The following ITGA7 variants were observed in gnomAD, a reference collection of about 807,000 sequenced individuals.
The protein encoded by ITGA7 is integrin subunit alpha 7, also known as integrin alpha-7.
A neutral mutation model predicts 131.6 loss-of-function variants in ITGA7; 84 were observed. That is an observed-to-expected ratio of 0.64 (90% CI 0.54 to 0.77). The LOEUF (loss-of-function observed/expected upper bound fraction) is 0.77, where lower values mean the gene tolerates loss of function less well. Among genes scored for constraint, ITGA7 ranks in the 30% least tolerant of loss-of-function variants. The pLI is 0.00. For missense variants in ITGA7, 1,399 were observed against 1,482.9 expected (o/e 0.94, Z 0.93); for synonymous variants, 548 against 600.7 (o/e 0.91, Z 1.28).
rs1872733597 is a variant in ITGA7 at position 55,696,907 on chromosome 12, G to A, written c.1729C>T (p.Gln577Ter). ...AAGGGGTCAGTGTCCACCTGGAGCTGGAACATGGCGTCTCCACAGACTCGG... is the reference window on the plus strand; with the variant it reads ...AAGGGGTCAGTGTCCACCTGGAGCTAGAACATGGCGTCTCCACAGACTCGG... ...HDRVCGDAMF[Q>*]LQENVKDKLR... Residue 577 changes from glutamine to a stop codon, truncating the protein, a stop_gained, in exon 12 of 25, where the codon CAG (glutamine) becomes TAG (stop). Transcript: ENST00000257879. LOFTEE classifies it high-confidence loss of function. The A allele has an allele frequency of 6.2e-7, 1 of 1,614,176 alleles. No homozygotes were observed. The highest frequency in any genetic ancestry group is 8.5e-7 in the Non-Finnish European group (1 of 1,180,008).
chr12:55,684,764 G>T lies in ITGA7; in HGVS notation c.*294C>A. 4.8e-6 allele frequency: 2 copies of T among 413,898 alleles called. No homozygotes were observed. Among genetic ancestry groups the T allele is most frequent in the South Asian group, 5.2e-5 (1 of 19,272 alleles). 25.6% of individuals were successfully genotyped at this position (413,898 alleles called of 1,614,324 possible). A position where few individuals can be genotyped will look rare whatever the true frequency, so the allele number is the denominator to read the frequency against. ...TGGGGTCCTGTTACACAGGGTGAAT[G>T]GGAGAGGAAGGGATTAGGATCCCTT... On this transcript the variant is annotated 3_prime_UTR_variant, in exon 25 of 25. Coordinates refer to ENST00000257879, the MANE Select transcript of ITGA7 (RefSeq NM_002206.3).
In ITGA7 at chr12:55,695,185, C is replaced by G. The variant is rs12304445; in HGVS notation, c.2004-215G>C. The stretch of plus-strand genomic sequence containing the variant: ...TCAGCTCCACCATTACTTACCTTGG[C>G]CAAGTAACTTAACCTCTCTAGGCTT... On this transcript the variant is annotated intron_variant, in intron 14 of 24. Transcript: ENST00000257879. 0.55 allele frequency: 330,200 copies of G among 605,508 alleles called. 96,150 individuals are homozygous for G. The highest frequency in any genetic ancestry group is 0.93 in the East Asian group (33,907 of 36,304). 37.5% of individuals were successfully genotyped at this position (605,508 alleles called of 1,614,324 possible). A position where few individuals can be genotyped will look rare whatever the true frequency, so the allele number is the denominator to read the frequency against.
At position 55,698,377 on chromosome 12, in the gene ITGA7, T is replaced by A; in HGVS notation, c.1192+6A>T. The A allele has an allele frequency of 6.2e-7, 1 of 1,608,176 alleles. No homozygotes were observed. ...CTCCCTGAGCCTTTCCAGTTCCCCGTCACACCTGGAAAGCCATCTTGGTTG... is the reference window on the plus strand; with the variant it reads ...CTCCCTGAGCCTTTCCAGTTCCCCGACACACCTGGAAAGCCATCTTGGTTG... On this transcript the variant is annotated splice_donor_region_variant and intron_variant, in intron 7 of 24. Transcript: ENST00000257879.
intron 21 of ITGA7, among the ~76,000 whole-genome samples, chr12:55,692,590 G>A (rs1448005888): frequency 6.6e-6 from 1 of 152,216 alleles, no homozygotes. Flanking sequence ...TTATATAAAC[G>A]TAATGTGAAT....
upstream of ITGA7, among the ~76,000 whole-genome samples, chr12:55,711,477 C>CAA (rs34371136): frequency 1.6e-3 from 223 of 139,614 alleles, 1 homozygote; most frequent in Non-Finnish European, 1.7e-3. Context: ...GACTCTGCCT[C>CAA]AAAAAAAAAA....
rs181934824 is a variant in ITGA7, at chr12:55,693,110, C to T, written c.2712+31G>A. On this transcript the variant is annotated intron_variant, in intron 20 of 24. Transcript: ENST00000257879. Reference sequence around the variant, plus strand: ...TTACTCCCCATAACATCTGTCCCCACATCTAACCCCCACCCCCACCTAAGC... The same window carrying T: ...TTACTCCCCATAACATCTGTCCCCATATCTAACCCCCACCCCCACCTAAGC... The T allele has an allele frequency of 1.5e-4, 239 of 1,612,980 alleles. 1 individual carries two copies. The Middle Eastern group carries it at 4.8e-3, about 32-fold the overall frequency.
Position 55,696,402 on chromosome 12 carries a change from C to A in ITGA7, c.1768G>T (p.Val590Leu), listed in dbSNP as rs2136015647. ...TGGAGACTGTAGGACAAGGTCACTA[C>A]AATGGCCCGAAGCTTGTCTTTGACA... ...ENVKDKLRAI[V>L]VTLSYSLQTP... is the part of the protein sequence containing the mutation. The change falls in exon 13 of 25, where the codon GTA (valine) becomes TTA (leucine). Residue 590 changes from valine to leucine, a missense_variant. Val to Leu is a conservative substitution (Grantham distance 32). Coordinates refer to ENST00000257879, the MANE Select transcript of ITGA7 (RefSeq NM_002206.3). 6.2e-7 allele frequency: 1 copy of A among 1,601,392 alleles called. No individual in the cohort carries two copies. Among genetic ancestry groups the A allele is most frequent in the African/African-American group, 1.3e-5 (1 of 74,904 alleles).
At chr12:55,701,457 A>G (rs1409097164) in intron 3 of ITGA7, 2 of 1,546,668 alleles carry the variant, frequency 1.3e-6, no homozygotes, top group Non-Finnish European at 1.8e-6. Context: ...ACCACATAGG[A>G]TGTGTGTCTC....
At position 55,688,832 on chromosome 12, in the gene ITGA7, T is replaced by C; in HGVS notation, c.2958+12A>G. ...AGAAGAAACACAGACTAGAGCCGAG[T>C]GGTATCCTCACCTCCAGAAAGGTGC... On this transcript the variant is annotated intron_variant, in intron 22 of 24. Coordinates refer to ENST00000257879, the MANE Select transcript of ITGA7 (RefSeq NM_002206.3). 1 of 1,591,784 alleles carries C rather than the reference T, an allele frequency of 6.3e-7. No individual in the cohort carries two copies. The highest frequency in any genetic ancestry group is 8.6e-7 in the Non-Finnish European group (1 of 1,160,650).
chr12:55,714,715 TATAC>T (rs1876381281), upstream of ITGA7, among the ~76,000 whole-genome samples: 1 of 150,092 alleles, frequency 6.7e-6, no homozygotes, highest in Non-Finnish European at 1.5e-5. Flanking sequence ...TATATACATA[TATAC>T]ATATACATAC....
At chr12:55,709,832 C>A (rs118079888), upstream of ITGA7, among the ~76,000 whole-genome samples, 12 of 152,278 alleles carry the variant, frequency 7.9e-5, no homozygotes, top group East Asian at 2.3e-3. Flanking sequence ...GACCTCCTCT[C>A]TCCAAATATT....
intron 4 of ITGA7, 161 bp from the exon 5 acceptor site, chr12:55,700,150 A>G: frequency 7.0e-7 from 1 of 1,419,404 alleles, no homozygotes; most frequent in Non-Finnish European, 9.7e-7. Flanking sequence ...AAAGACAGAG[A>G]GAGACAAGGT....
chr12:55,699,204 A>G (rs1873398133), intron 5 of ITGA7, among the ~76,000 whole-genome samples: 1 of 152,220 alleles, frequency 6.6e-6, no homozygotes, highest in Non-Finnish European at 1.5e-5. Flanking sequence ...AGCCTCAGGG[A>G]CTGGGCAAGA....
chr12:55,716,074 A>G, upstream of ITGA7: 1 of 1,571,718 alleles, frequency 6.4e-7, no homozygotes, highest in Middle Eastern at 1.7e-4. Flanking sequence ...AGCCGAGGTG[A>G]GCGTTCCAGC....
upstream of ITGA7, among the ~76,000 whole-genome samples, chr12:55,715,135 G>A (rs901942466): frequency 3.0e-4 from 46 of 152,132 alleles, no homozygotes; most frequent in Non-Finnish European, 4.9e-4. Context: ...CTGGGATTAC[G>A]GGCGTGAGCC....
chr12:55,696,180 C>T lies in ITGA7; in HGVS notation c.1887+103G>A, dbSNP rs142291355. ...TATGAGGAATTACTGGAGTAGCATA[C>T]GTGAAAGGGCTCTGTGAGCTGTGAA... On this transcript the variant is annotated intron_variant, in intron 13 of 24. Transcript: ENST00000257879. 3.7e-4 allele frequency: 469 copies of T among 1,266,812 alleles called. 1 individual carries two copies. The African/African-American group carries it at 5.9e-3, about 16-fold the overall frequency. 78.5% of individuals were successfully genotyped at this position (1,266,812 alleles called of 1,614,324 possible). A position where few individuals can be genotyped will look rare whatever the true frequency, so the allele number is the denominator to read the frequency against.
upstream of ITGA7, chr12:55,715,912 C>A: frequency 9.3e-7 from 1 of 1,072,706 alleles, no homozygotes; most frequent in Middle Eastern, 3.1e-4. Context: ...CTTCTTCCAA[C>A]ACTCACCAAA....
chr12:55,707,943 C>T (rs549169612), upstream of ITGA7: 3,506 of 1,354,444 alleles, frequency 2.6e-3, 78 homozygotes, highest in African/African-American at 0.046. Context: ...GCCACTCAGG[C>T]CCCGCCTCCG....
chr12:55,698,554 C>A lies in ITGA7; in HGVS notation c.1021G>T (p.Ala341Ser), dbSNP rs1275951872. The change falls in exon 7 of 25, where the codon GCC becomes TCC. Residue 341 changes from alanine to serine, a missense_variant. Ala to Ser is a moderately conservative substitution (Grantham distance 99). Transcript: ENST00000257879. ...SDGWPDLIVG[A>S]PYFFERQEEL... ...TCTTGGCGCTCAAAGAAGTAGGGGG[C>A]ACCCACTATCAGGTCTGGCCAGCTA... The A allele has an allele frequency of 1.2e-6, 2 of 1,614,154 alleles. No homozygotes were observed. Among genetic ancestry groups the A allele is most frequent in the Non-Finnish European group, 1.7e-6 (2 of 1,180,018 alleles).
Sources: allele counts gnomAD v4.1 joint callset (sites outside exome capture counted in the v4.1 genomes callset), GRCh38; gene constraint gnomAD v4.1.1; transcripts MANE v1.5; gene names NCBI Gene and HGNC (gene_info 2026-07-23, HGNC 2026-07-21).